ZNF407: variants seen among roughly 807,000 people sequenced by gnomAD.
The protein encoded by ZNF407 is zinc finger protein 407.
A neutral mutation model predicts 131.2 loss-of-function variants in ZNF407; 17 were observed. The observed-to-expected ratio is 0.13, with a 90% CI of 0.09 to 0.19. ZNF407 has a LOEUF of 0.19. Ranked by LOEUF, ZNF407 falls within the 10% of genes least tolerant of loss-of-function variation. ZNF407 has a pLI of 1.00. For missense variants in ZNF407, 2,681 were observed against 2,830.6 expected (o/e 0.95, Z 1.20); for synonymous variants, 1,156 against 1,062.0 (o/e 1.09, Z -1.72).
At chr18:74,663,443 A>T (rs1365111603) in intron 3 of ZNF407, among the ~76,000 whole-genome samples, 1 of 152,174 alleles carries the variant, frequency 6.6e-6, no homozygotes, top group Non-Finnish European at 1.5e-5. Context: ...ATTTAAAATT[A>T]TTTTTAGAAA....
chr18:74,750,077 T>G (rs1289991662), intron 3 of ZNF407, among the ~76,000 whole-genome samples: 3 of 152,212 alleles, frequency 2.0e-5, no homozygotes, highest in Non-Finnish European at 2.9e-5. Context: ...GGCACATATG[T>G]AAGCTTCTCA....
chr18:74,811,998 T>A (rs1365072773), intron 4 of ZNF407, among the ~76,000 whole-genome samples: 2 of 148,812 alleles, frequency 1.3e-5, no homozygotes, highest in African/African-American at 5.2e-5. Context: ...AACCTGCACA[T>A]TGTGCACATG....
At chr18:74,974,626 A>T (rs1164226015) in intron 8 of ZNF407, among the ~76,000 whole-genome samples, 2 of 152,230 alleles carry the variant, frequency 1.3e-5, no homozygotes, top group African/African-American at 4.8e-5. Flanking sequence ...AAAACTACCA[A>T]TGATGAAGTA....
intron 3 of ZNF407, among the ~76,000 whole-genome samples, chr18:74,738,805 C>T (rs533887758): frequency 5.1e-4 from 77 of 152,224 alleles, no homozygotes; most frequent in Non-Finnish European, 9.0e-4. Flanking sequence ...AGAGTTCATC[C>T]TGACTGAATG....
At chr18:74,814,842 G>A (rs1159665716) in intron 4 of ZNF407, among the ~76,000 whole-genome samples, 3 of 151,788 alleles carry the variant, frequency 2.0e-5, no homozygotes, top group Non-Finnish European at 4.4e-5. Context: ...TACTTTCTTG[G>A]CTTTTTTCAT....
intron 3 of ZNF407, among the ~76,000 whole-genome samples, chr18:74,707,407 A>ACT (rs1199475524): frequency 6.6e-6 from 1 of 152,162 alleles, no homozygotes; most frequent in Non-Finnish European, 1.5e-5. Flanking sequence ...ACTGTTTCAG[A>ACT]CTTCAAATTT....
intron 8 of ZNF407, among the ~76,000 whole-genome samples, chr18:75,024,017 CAA>C (rs1174685098): frequency 6.6e-6 from 1 of 151,996 alleles, no homozygotes; most frequent in African/African-American, 2.4e-5. Context: ...AGGAAGAAAA[CAA>C]GAAGGAAAAA....
intron 4 of ZNF407, among the ~76,000 whole-genome samples, chr18:74,806,013 A>G (rs535737797): frequency 6.6e-6 from 1 of 152,302 alleles, no homozygotes; most frequent in East Asian, 1.9e-4. Context: ...TCTTTTTGTT[A>G]AAAATTTTCT....
intron 3 of ZNF407, among the ~76,000 whole-genome samples, chr18:74,701,919 T>C (rs1458275492): frequency 6.6e-6 from 1 of 152,232 alleles, no homozygotes; most frequent in Non-Finnish European, 1.5e-5. Flanking sequence ...CTTTATTTTG[T>C]GAATCTTGAA....
chr18:74,794,302 A>G (rs1453833449), intron 4 of ZNF407, among the ~76,000 whole-genome samples: 3 of 152,242 alleles, frequency 2.0e-5, no homozygotes, highest in East Asian at 1.9e-4. Flanking sequence ...GCCAGTAAGG[A>G]TGTACTCAAG....
At chr18:74,707,591 T>C (rs1568176161) in intron 3 of ZNF407, among the ~76,000 whole-genome samples, 2 of 152,200 alleles carry the variant, frequency 1.3e-5, no homozygotes, top group Non-Finnish European at 2.9e-5. Context: ...TTCAGATTTT[T>C]GGATTAGAGA....
At chr18:74,778,899 A>AT (rs1325088744) in intron 3 of ZNF407, among the ~76,000 whole-genome samples, 3 of 151,894 alleles carry the variant, frequency 2.0e-5, no homozygotes, top group African/African-American at 7.3e-5. Context: ...TAGCTTTCAG[A>AT]TTTGCCATCA....
intron 1 of ZNF407, among the ~76,000 whole-genome samples, chr18:74,607,479 GGA>G (rs1491502637): frequency 9.5e-5 from 14 of 147,486 alleles, no homozygotes; most frequent in East Asian, 2.0e-4. Context: ...ATTAGATGGG[GGA>G]AAAAAAAAAA....
chr18:74,608,182 A>C (rs954919836), intron 1 of ZNF407, among the ~76,000 whole-genome samples: 7 of 152,228 alleles, frequency 4.6e-5, no homozygotes, highest in Non-Finnish European at 1.0e-4. Flanking sequence ...TCCATAATAC[A>C]ATCATTGAAA....
At chr18:74,778,663 C>G (rs1969526061) in intron 3 of ZNF407, among the ~76,000 whole-genome samples, 1 of 152,086 alleles carries the variant, frequency 6.6e-6, no homozygotes, top group Non-Finnish European at 1.5e-5. Flanking sequence ...CTAGCACTGT[C>G]CACAGAGGAG....
chr18:74,638,876 CAG>C (rs1015755656), intron 2 of ZNF407, among the ~76,000 whole-genome samples: 10 of 152,056 alleles, frequency 6.6e-5, no homozygotes, highest in African/African-American at 2.4e-4. Flanking sequence ...AACTTAAAAA[CAG>C]AAATGTTATT....
At chr18:74,773,995 G>T (rs1438454246) in intron 3 of ZNF407, among the ~76,000 whole-genome samples, 2 of 152,174 alleles carry the variant, frequency 1.3e-5, no homozygotes, top group Non-Finnish European at 2.9e-5. Flanking sequence ...AAGGCTGGTT[G>T]TACTAGAAAA....
chr18:75,061,223 C>T (rs1568315323), intron 8 of ZNF407: 1 of 152,174 alleles, frequency 6.6e-6, no homozygotes, highest in East Asian at 1.9e-4. Context: ...CTGACCCCCT[C>T]AAGGAGATTA....
intron 4 of ZNF407, among the ~76,000 whole-genome samples, chr18:74,817,780 A>C (rs182568229): frequency 6.6e-6 from 1 of 152,174 alleles, no homozygotes; most frequent in Non-Finnish European, 1.5e-5. Flanking sequence ...TTATGATGCT[A>C]CTTCCAAAGT....
Sources: allele counts gnomAD v4.1 joint callset (sites outside exome capture counted in the v4.1 genomes callset), GRCh38; gene constraint gnomAD v4.1.1; transcripts MANE v1.5; gene names NCBI Gene and HGNC (gene_info 2026-07-23, HGNC 2026-07-21).